RAD51B: variants seen among roughly 807,000 people sequenced by gnomAD.
RAD51B encodes the protein DNA repair protein RAD51 homolog 2.
Under a neutral mutation model 42.2 loss-of-function variants are expected in RAD51B, and 38 were observed. The ratio of observed to expected loss-of-function variants is 0.90; its 90% CI spans 0.70 to 1.18. The LOEUF (loss-of-function observed/expected upper bound fraction) is 1.18. RAD51B is among the 50% of genes most tolerant of loss of function. RAD51B has a pLI of 0.00. For synonymous variants in RAD51B, 154 were observed against 145.2 expected, an observed-to-expected ratio of 1.06 and a Z score of -0.43; for missense variants, 373 against 400.7, an observed-to-expected ratio of 0.93 and a Z score of 0.59.
chr14:68,609,513 G>A (rs1272516927), intron 10 of RAD51B, among the ~76,000 whole-genome samples: 1 of 152,052 alleles, frequency 6.6e-6, no homozygotes, highest in African/African-American at 2.4e-5. Context: ...CACCTCCTTT[G>A]CAAAACTAAC....
chr14:68,226,155 T>G (rs2080034189), intron 7 of RAD51B, among the ~76,000 whole-genome samples: 1 of 152,228 alleles, frequency 6.6e-6, no homozygotes, highest in Admixed American at 6.5e-5. Context: ...GGGAACTTGA[T>G]TGCTGTCTCT....
At chr14:67,849,893 C>T (rs1050440153) in intron 4 of RAD51B, among the ~76,000 whole-genome samples, 1 of 152,102 alleles carries the variant, frequency 6.6e-6, no homozygotes, top group Admixed American at 6.5e-5. Context: ...TGGTTGGGGA[C>T]CTTTCCTAGA....
At chr14:68,286,536 T>C (rs1238828501) in intron 7 of RAD51B, among the ~76,000 whole-genome samples, 3 of 152,190 alleles carry the variant, frequency 2.0e-5, no homozygotes, top group African/African-American at 7.2e-5. Flanking sequence ...AGGCTGTGTC[T>C]TCAGGCCTGG....
intron 9 of RAD51B, among the ~76,000 whole-genome samples, chr14:68,416,039 T>C (rs546303472): frequency 2.6e-5 from 4 of 152,166 alleles, no homozygotes; most frequent in Admixed American, 2.6e-4. Context: ...GGAGGCACCC[T>C]GAAATTATGG....
intron 10 of RAD51B, among the ~76,000 whole-genome samples, chr14:68,490,633 T>C (rs569117909): frequency 8.3e-4 from 127 of 152,362 alleles, no homozygotes; most frequent in African/African-American, 2.9e-3. Context: ...TTTAAAATTC[T>C]ATTATTCAGA....
intron 10 of RAD51B, chr14:68,471,905 G>A (rs907922805): frequency 2.6e-5 from 4 of 153,700 alleles, no homozygotes; most frequent in African/African-American, 9.6e-5. Context: ...AGTTTCCTGA[G>A]GGTTTGGACT....
At chr14:68,037,173 CCCTCCCCTCCCCTCTCCTCT>C in intron 7 of RAD51B, among the ~76,000 whole-genome samples, 1 of 30,192 alleles carries the variant, frequency 3.3e-5, no homozygotes, top group African/African-American at 1.5e-4. Context: ...CCCTCCCCTC[CCCTCCCCTCCCCTCTCCTCT>C]CCTCCCCTTT....
At chr14:68,640,229 A>AC (rs1040740751) in intron 10 of RAD51B, among the ~76,000 whole-genome samples, 23 of 152,162 alleles carry the variant, frequency 1.5e-4, no homozygotes, top group African/African-American at 5.3e-4. Context: ...CCCAGAAGGC[A>AC]CCCCTTTCCA....
intron 9 of RAD51B, among the ~76,000 whole-genome samples, chr14:68,425,375 A>G (rs1053561687): frequency 4.6e-5 from 7 of 152,344 alleles, no homozygotes; most frequent in Non-Finnish European, 7.4e-5. Context: ...AAAAGGTAGG[A>G]CCTGTAAGAG....
At chr14:68,139,382 A>C (rs2078078473) in intron 7 of RAD51B, among the ~76,000 whole-genome samples, 1 of 152,224 alleles carries the variant, frequency 6.6e-6, no homozygotes, top group Non-Finnish European at 1.5e-5. Flanking sequence ...TCTTTTATCA[A>C]AACTCTTAAG....
At chr14:68,029,677 C>G (rs1378719439) in intron 7 of RAD51B, among the ~76,000 whole-genome samples, 1 of 152,164 alleles carries the variant, frequency 6.6e-6, no homozygotes, top group Non-Finnish European at 1.5e-5. Flanking sequence ...TTCTTCACTC[C>G]TGTGCATGTT....
intron 9 of RAD51B, among the ~76,000 whole-genome samples, chr14:68,442,514 C>T (rs2085324805): frequency 7.2e-6 from 1 of 138,146 alleles, no homozygotes; most frequent in Non-Finnish European, 1.5e-5. Flanking sequence ...GATTTCAGCT[C>T]ACTGCAACCT....
intron 7 of RAD51B, among the ~76,000 whole-genome samples, chr14:68,241,028 TATC>T (rs1473810660): frequency 1.3e-5 from 2 of 152,246 alleles, no homozygotes; most frequent in Non-Finnish European, 1.5e-5. Context: ...GTTTGGATGT[TATC>T]ATAGCTTTCA....
chr14:68,315,600 C>T (rs11628825), intron 8 of RAD51B, among the ~76,000 whole-genome samples: 74,937 of 151,568 alleles, frequency 0.49, 21,288 homozygotes, highest in South Asian at 0.65. Context: ...CTGCTCACTG[C>T]AAGCTCCACC....
At chr14:67,951,408 A>C (rs941101466) in intron 7 of RAD51B, among the ~76,000 whole-genome samples, 1 of 152,230 alleles carries the variant, frequency 6.6e-6, no homozygotes, top group Non-Finnish European at 1.5e-5. Flanking sequence ...CAGAGCAGAA[A>C]TTAAACATTA....
At chr14:68,074,861 T>G (rs967060184) in intron 7 of RAD51B, among the ~76,000 whole-genome samples, 2 of 152,230 alleles carry the variant, frequency 1.3e-5, no homozygotes, top group African/African-American at 4.8e-5. Context: ...CATAATGGCC[T>G]GTAGGTAGGT....
At chr14:68,310,488 T>G (rs7148412) in intron 8 of RAD51B, among the ~76,000 whole-genome samples, 103,427 of 152,056 alleles carry the variant, frequency 0.68, 35,431 homozygotes, top group Non-Finnish European at 0.73. Flanking sequence ...CTGTTGTCAG[T>G]ATCACCATCA....
chr14:68,612,412 T>C (rs565929591), downstream of RAD51B, among the ~76,000 whole-genome samples: 6 of 152,326 alleles, frequency 3.9e-5, no homozygotes, highest in East Asian at 1.2e-3. Context: ...GAATCTGCTA[T>C]CCTTCCTCTT....
intron 7 of RAD51B, among the ~76,000 whole-genome samples, chr14:68,261,416 CTG>C (rs1413975260): frequency 1.3e-5 from 2 of 152,202 alleles, no homozygotes; most frequent in African/African-American, 2.4e-5. Context: ...TGCGAAAAGA[CTG>C]TGGGAGTTGA....
Sources: gnomAD v4.1 joint callset for allele counts (sites outside exome capture counted in the v4.1 genomes callset) on GRCh38, gnomAD v4.1.1 for gene constraint, MANE v1.5 for transcripts, NCBI Gene and HGNC (gene_info 2026-07-23, HGNC 2026-07-21) for gene names.